The following BANP variants were observed in gnomAD, a reference collection of about 807,000 sequenced individuals.
BANP encodes BTG3 associated nuclear protein, also known as protein BANP.
Under a neutral mutation model 68.1 loss-of-function variants are expected in BANP, and 11 were observed. The ratio of observed to expected loss-of-function variants is 0.16; its 90% CI spans 0.10 to 0.27. The LOEUF is 0.27. Among genes scored for constraint, BANP ranks in the 10% least tolerant of loss-of-function variants. The probability of loss-of-function intolerance (pLI) is 1.00; values close to 1 mark genes in which losing one functional copy is unlikely to be tolerated. For synonymous variants in BANP, 329 were observed against 303.2 expected (o/e 1.09, Z -0.88); for missense variants, 504 against 722.7 (o/e 0.70, Z 3.47).
At position 87,989,883 on chromosome 16, in the gene BANP, T is replaced by C. The variant is rs113003090; in HGVS notation, c.362+5624T>C. On this transcript the variant is annotated intron_variant, in intron 4 of 13. Transcript: ENST00000682872. The stretch of plus-strand genomic sequence containing the variant: ...TGCATCCAGGACACAGGACACAGGG[T>C]GGGTGACGGGGGATGCAGGCCCGCG... Among the ~76,000 whole-genome samples the C allele has an allele frequency of 9.4e-3, 537 of 57,320 alleles. 1 individual carries two copies. The highest frequency in any genetic ancestry group is 0.019 in the Middle Eastern group (1 of 54). 37.6% of individuals were successfully genotyped at this position (57,320 alleles called of 152,430 possible). A position where few individuals can be genotyped will look rare whatever the true frequency, so the allele number is the denominator to read the frequency against.
intron 1 of BANP, among the ~76,000 whole-genome samples, chr16:87,959,458 G>A (rs1466075977): frequency 1.3e-5 from 2 of 152,208 alleles, no homozygotes; most frequent in African/African-American, 2.4e-5. Flanking sequence ...GCTGGATGGG[G>A]AGAGGCCTGG....
At chr16:87,952,346 T>G (rs2057109103) in intron 1 of BANP, 1 of 152,216 alleles carries the variant, frequency 6.6e-6, no homozygotes, top group African/African-American at 2.4e-5. Flanking sequence ...GAGTGTGGGC[T>G]TTGAAGGGTA....
chr16:88,026,284 A>T (rs541198993), intron 7 of BANP, among the ~76,000 whole-genome samples: 1 of 152,188 alleles, frequency 6.6e-6, no homozygotes, highest in Admixed American at 6.5e-5. Flanking sequence ...GACTCCAGGG[A>T]TGAGGACACA....
At chr16:88,038,037 T>C (rs1397384842) in intron 11 of BANP, 26 bp downstream of exon 11, 2 of 1,574,038 alleles carry the variant, frequency 1.3e-6, no homozygotes, top group East Asian at 2.4e-5. Flanking sequence ...CCCATGCACA[T>C]GCGGGCGTTG....
intron 1 of BANP, among the ~76,000 whole-genome samples, chr16:87,966,162 T>C (rs4843288): frequency 0.64 from 97,124 of 152,178 alleles, 31,394 homozygotes; most frequent in Admixed American, 0.68. Flanking sequence ...GTCTCATCCA[T>C]GTGAATGACT....
chr16:88,052,816 G>A (rs993023894), intron 11 of BANP, among the ~76,000 whole-genome samples: 37 of 141,596 alleles, frequency 2.6e-4, no homozygotes, highest in South Asian at 4.6e-4. Context: ...TACCACTACC[G>A]CCTTCACCAC....
At chr16:88,026,851 GTGTT>G (rs1472608615) in intron 7 of BANP, among the ~76,000 whole-genome samples, 1 of 152,244 alleles carries the variant, frequency 6.6e-6, no homozygotes, top group African/African-American at 2.4e-5. Context: ...TTTCGAAACT[GTGTT>G]TGTGAGGGGG....
At chr16:87,976,900 A>G (rs1331129374) in intron 2 of BANP, among the ~76,000 whole-genome samples, 2 of 152,256 alleles carry the variant, frequency 1.3e-5, no homozygotes, top group Admixed American at 6.5e-5. Flanking sequence ...GTTTCTTTAG[A>G]AAACATAACA....
rs1175372799 is a variant in BANP, at chr16:87,957,413, C to T, written c.-69+5898C>T. Among the ~76,000 whole-genome samples, 1 of 152,234 alleles carries T rather than the reference C, an allele frequency of 6.6e-6. No homozygotes were observed. Among genetic ancestry groups the T allele is most frequent in the African/African-American group, 2.4e-5 (1 of 41,462 alleles). On this transcript the variant is annotated intron_variant, in intron 1 of 13. Transcript: ENST00000682872. This position sits in a 1 kb window ranked among gnomAD's most constrained non-coding sequence, Gnocchi z 4.3. ...CTGCAGTCACCTCCCCTCTGCTCGT[C>T]TGTGTCCACATTCTGTCGTGGTTGA... is the stretch of plus-strand genomic sequence containing the variant.
At chr16:88,012,707 G>A (rs1372048345) in intron 6 of BANP, among the ~76,000 whole-genome samples, 3 of 152,156 alleles carry the variant, frequency 2.0e-5, no homozygotes, top group Non-Finnish European at 4.4e-5. Context: ...CTTCGGTCTT[G>A]GACAACACAC....
At chr16:87,994,148 C>CGGCTTTTCA (rs2066599043) in intron 4 of BANP, among the ~76,000 whole-genome samples, 1 of 152,166 alleles carries the variant, frequency 6.6e-6, no homozygotes, top group Admixed American at 6.5e-5. Flanking sequence ...ATGCGAAGGG[C>CGGCTTTTCA]CCTGGGCGGC....
chr16:88,062,137 C>T (rs1270457922), intron 11 of BANP, among the ~76,000 whole-genome samples: 1 of 152,158 alleles, frequency 6.6e-6, no homozygotes, highest in Non-Finnish European at 1.5e-5. Flanking sequence ...TGGTTTCATC[C>T]TCGTTTCTGT....
chr16:87,950,257 A>G (rs2056685870), upstream of BANP, among the ~76,000 whole-genome samples: 1 of 152,176 alleles, frequency 6.6e-6, no homozygotes, highest in Admixed American at 6.5e-5. Context: ...ATTGCAAATA[A>G]TTGAGGAAAC....
At chr16:87,993,969 C>G (rs2152507249) in intron 4 of BANP, among the ~76,000 whole-genome samples, 1 of 151,246 alleles carries the variant, frequency 6.6e-6, no homozygotes, top group African/African-American at 2.5e-5. Flanking sequence ...TTGTCCCAGC[C>G]TAGAATGAGC....
intron 11 of BANP, among the ~76,000 whole-genome samples, chr16:88,059,431 A>G (rs2086088177): frequency 6.6e-6 from 1 of 151,968 alleles, no homozygotes; most frequent in South Asian, 2.1e-4. Flanking sequence ...GGCCCACCTG[A>G]GCCCAGTGTG....
chr16:87,967,802 T>C (rs527511106), intron 1 of BANP, among the ~76,000 whole-genome samples: 1 of 151,806 alleles, frequency 6.6e-6, no homozygotes, highest in African/African-American at 2.4e-5. Context: ...TTTGTATTTT[T>C]AGTAGAGACG....
chr16:87,994,459 G>C (rs2066682732), intron 4 of BANP, among the ~76,000 whole-genome samples: 2 of 152,182 alleles, frequency 1.3e-5, no homozygotes, highest in Admixed American at 6.5e-5. Flanking sequence ...TTCTTTCTTT[G>C]TTTAGCAACG....
intron 11 of BANP, among the ~76,000 whole-genome samples, chr16:88,059,019 A>G (rs1163183673): frequency 6.6e-6 from 1 of 151,546 alleles, no homozygotes; most frequent in Non-Finnish European, 1.5e-5. Context: ...AGTGTGTATC[A>G]GGGATGTTGC....
chr16:87,997,333 G>A (rs2152522822), intron 4 of BANP, among the ~76,000 whole-genome samples: 1 of 152,378 alleles, frequency 6.6e-6, no homozygotes, highest in East Asian at 1.9e-4. Flanking sequence ...AGTTGTAGCA[G>A]TGGTTGAAAT....
Sources: allele counts gnomAD v4.1 joint callset (sites outside exome capture counted in the v4.1 genomes callset), GRCh38; gene constraint gnomAD v4.1.1; non-coding constraint Gnocchi (gnomAD v3.1); transcripts MANE v1.5; gene names NCBI Gene and HGNC (gene_info 2026-07-23, HGNC 2026-07-21).